UBAC2: variants seen among roughly 807,000 people sequenced by gnomAD.
The protein encoded by UBAC2 is UBA domain containing 2, also known as ubiquitin-associated domain-containing protein 2.
Under a neutral mutation model 44.0 loss-of-function variants are expected in UBAC2, and 26 were observed. That is an observed-to-expected ratio of 0.59 (90% CI 0.43 to 0.82). The LOEUF (loss-of-function observed/expected upper bound fraction) is 0.82, where lower values mean the gene tolerates loss of function less well. Among genes scored for constraint, UBAC2 ranks in the 40% least tolerant of loss-of-function variants. UBAC2 has a pLI of 0.00. For missense variants in UBAC2, 329 were observed against 419.4 expected, an observed-to-expected ratio of 0.78 and a Z score of 1.88; for synonymous variants, 155 against 154.3, an observed-to-expected ratio of 1.00 and a Z score of -0.04.
chr13:99,367,028 A>G (rs1285169177), intron 7 of UBAC2, among the ~76,000 whole-genome samples: 1 of 152,236 alleles, frequency 6.6e-6, no homozygotes, highest in East Asian at 1.9e-4. Context: ...AAAGATTGCC[A>G]TATAGCTAGA....
intron 8 of UBAC2, among the ~76,000 whole-genome samples, chr13:99,379,154 AC>A (rs2045518938): frequency 1.3e-5 from 2 of 152,236 alleles, no homozygotes; most frequent in African/African-American, 4.8e-5. Context: ...CTGCTTGAAA[AC>A]AGCAAGGACA....
chr13:99,371,298 G>T (rs1566527022), intron 8 of UBAC2, among the ~76,000 whole-genome samples: 1 of 152,128 alleles, frequency 6.6e-6, no homozygotes, highest in Non-Finnish European at 1.5e-5. Flanking sequence ...AACATGAGGG[G>T]TTGTTTTTAA....
At chr13:99,251,532 A>G (rs1013270985) in intron 4 of UBAC2, among the ~76,000 whole-genome samples, 7 of 152,148 alleles carry the variant, frequency 4.6e-5, no homozygotes, top group African/African-American at 1.4e-4. Flanking sequence ...TCTCTTAACT[A>G]GTTTCCCTGT....
chr13:99,239,353 C>T (rs940575241), intron 2 of UBAC2, among the ~76,000 whole-genome samples: 22 of 152,164 alleles, frequency 1.4e-4, no homozygotes, highest in African/African-American at 4.1e-4. Flanking sequence ...TTCTCAACCC[C>T]GGACACACAT....
intron 4 of UBAC2, among the ~76,000 whole-genome samples, chr13:99,287,660 T>G (rs1158069312): frequency 6.8e-6 from 1 of 147,002 alleles, no homozygotes; most frequent in Non-Finnish European, 1.5e-5. Context: ...TTTTTTTTTT[T>G]TTTTGGTAGA....
chr13:99,310,470 G>A (rs1440177682), intron 4 of UBAC2, among the ~76,000 whole-genome samples: 1 of 152,214 alleles, frequency 6.6e-6, no homozygotes, highest in Admixed American at 6.5e-5. Context: ...CTGAATTACT[G>A]TTGACAGTAT....
At chr13:99,256,033 A>C in intron 4 of UBAC2, 1 of 616,680 alleles carries the variant, frequency 1.6e-6, no homozygotes, top group Non-Finnish European at 2.8e-6. Flanking sequence ...GGAACGATTC[A>C]ACTGGTTAAC....
intron 4 of UBAC2, among the ~76,000 whole-genome samples, chr13:99,259,590 T>A (rs959278708): frequency 6.6e-6 from 1 of 152,198 alleles, no homozygotes; most frequent in Non-Finnish European, 1.5e-5. Flanking sequence ...TAACTTCTTA[T>A]GAGGTAATTA....
chr13:99,264,350 T>C (rs2043711249), intron 4 of UBAC2, among the ~76,000 whole-genome samples: 1 of 152,202 alleles, frequency 6.6e-6, no homozygotes, highest in Admixed American at 6.5e-5. Flanking sequence ...GAGAACAGGC[T>C]AGGGAAGGGA....
intron 7 of UBAC2, among the ~76,000 whole-genome samples, chr13:99,352,197 G>A (rs969707677): frequency 2.0e-5 from 3 of 152,136 alleles, no homozygotes; most frequent in Non-Finnish European, 4.4e-5. Context: ...TTTAGCAGCT[G>A]ATGGAATTCA....
At chr13:99,294,192 T>C (rs1217056080) in intron 4 of UBAC2, among the ~76,000 whole-genome samples, 1 of 152,040 alleles carries the variant, frequency 6.6e-6, no homozygotes, top group Non-Finnish European at 1.5e-5. Context: ...ACTCAAACCA[T>C]TGAAATACAG....
intron 1 of UBAC2, chr13:99,215,320 A>C: frequency 5.0e-5 from 40 of 794,978 alleles, no homozygotes; most frequent in Non-Finnish European, 8.7e-5. Flanking sequence ...CCAACACTGG[A>C]CAGCTGTTCT....
rs769873147 is a variant in UBAC2, at chr13:99,243,971, G to T, written c.279+20G>T. The T allele has an allele frequency of 6.6e-7, 1 of 1,507,400 alleles. No individual in the cohort carries two copies. The highest frequency in any genetic ancestry group is 8.8e-7 in the Non-Finnish European group (1 of 1,130,336). 93.4% of individuals were successfully genotyped at this position (1,507,400 alleles called of 1,614,324 possible). A position where few individuals can be genotyped will look rare whatever the true frequency, so the allele number is the denominator to read the frequency against. ...TTTGCAGTAAGTTTTTATGTATTTT[G>T]TCTTTGCTACTTAGGCTGTAGAAAA... On this transcript the variant is annotated intron_variant, in intron 3 of 8. Transcript: ENST00000403766.
chr13:99,290,728 CAAAAAAA>C (rs35343898), intron 4 of UBAC2, among the ~76,000 whole-genome samples: 52 of 93,788 alleles, frequency 5.5e-4, no homozygotes, highest in Admixed American at 4.0e-3. Flanking sequence ...GTTTCACCAC[CAAAAAAA>C]AAAAAAAAAG....
chr13:99,225,214 G>A (rs1445741566), intron 1 of UBAC2, among the ~76,000 whole-genome samples: 2 of 152,122 alleles, frequency 1.3e-5, no homozygotes, highest in Non-Finnish European at 2.9e-5. Context: ...GTAGTATTAA[G>A]TACGTTCATA....
At chr13:99,254,001 A>G (rs2043495743) in intron 4 of UBAC2, among the ~76,000 whole-genome samples, 1 of 152,232 alleles carries the variant, frequency 6.6e-6, no homozygotes, top group East Asian at 1.9e-4. Context: ...TTAGATGGAT[A>G]AGTTACTTGG....
At chr13:99,206,003 G>C (rs1336779796) in intron 1 of UBAC2, 2 of 153,158 alleles carry the variant, frequency 1.3e-5, no homozygotes, top group African/African-American at 4.8e-5. Flanking sequence ...AAGCTGATTG[G>C]ATCTGCGGCG....
intron 7 of UBAC2, chr13:99,356,132 T>C (rs1435772280): frequency 3.7e-6 from 2 of 534,040 alleles, no homozygotes; most frequent in Non-Finnish European, 7.7e-6. Context: ...TGTCAGACTG[T>C]ACACAGTAGA....
intron 7 of UBAC2, among the ~76,000 whole-genome samples, chr13:99,343,377 C>CCCA (rs58313297): frequency 0.58 from 88,321 of 151,824 alleles, 27,268 homozygotes; most frequent in Non-Finnish European, 0.71. Flanking sequence ...GGTGTCTTTC[C>CCCA]CCCCAGATAC....
Sources: allele counts gnomAD v4.1 joint callset (sites outside exome capture counted in the v4.1 genomes callset), GRCh38; gene constraint gnomAD v4.1.1; transcripts MANE v1.5; gene names NCBI Gene and HGNC (gene_info 2026-07-23, HGNC 2026-07-21).